Variants in AFG1L observed in about 807,000 individuals in gnomAD.
AFG1L encodes AFG1 like ATPase, also known as AFG1-like ATPase.
AFG1L carries 53 observed loss-of-function variants against 62.2 expected under a neutral mutation model. The observed-to-expected ratio is 0.85, with a 90% CI of 0.68 to 1.07. The LOEUF (loss-of-function observed/expected upper bound fraction) is 1.07. Among genes scored for constraint, AFG1L ranks in the 50% least tolerant of loss-of-function variants. The probability of loss-of-function intolerance (pLI) is 0.00; values close to 1 mark genes in which losing one functional copy is unlikely to be tolerated. For missense variants in AFG1L, 555 were observed against 590.5 expected (o/e 0.94, Z 0.62); for synonymous variants, 228 against 210.3 (o/e 1.08, Z -0.73).
intron 6 of AFG1L, among the ~76,000 whole-genome samples, chr6:108,367,422 G>A (rs1330896079): frequency 6.6e-6 from 1 of 152,088 alleles, no homozygotes; most frequent in Non-Finnish European, 1.5e-5. Context: ...AAGGGGAGGG[G>A]AGGTGATGGA....
At chr6:108,498,121 G>A (rs1049524350) in intron 10 of AFG1L, among the ~76,000 whole-genome samples, 2 of 152,162 alleles carry the variant, frequency 1.3e-5, no homozygotes, top group African/African-American at 4.8e-5. Context: ...GCTAGCCGAG[G>A]TATTGCAAAA....
chr6:108,333,213 C>T (rs1033698399), intron 2 of AFG1L, among the ~76,000 whole-genome samples: 3 of 151,330 alleles, frequency 2.0e-5, no homozygotes, highest in Non-Finnish European at 4.4e-5. Flanking sequence ...AGTTCGAGAC[C>T]AACCTGGCCA....
At chr6:108,398,780 G>C (rs946507563) in intron 6 of AFG1L, among the ~76,000 whole-genome samples, 1 of 152,010 alleles carries the variant, frequency 6.6e-6, no homozygotes, top group Non-Finnish European at 1.5e-5. Flanking sequence ...TTTGTTTCTG[G>C]GTTCTCTATT....
chr6:108,468,346 A>G (rs1772752069), intron 8 of AFG1L, among the ~76,000 whole-genome samples: 1 of 152,250 alleles, frequency 6.6e-6, no homozygotes, highest in African/African-American at 2.4e-5. Context: ...CGGTTATCAC[A>G]CAATAATATT....
intron 6 of AFG1L, among the ~76,000 whole-genome samples, chr6:108,370,604 C>T (rs747231868): frequency 2.2e-4 from 33 of 151,948 alleles, no homozygotes; most frequent in Non-Finnish European, 3.8e-4. Context: ...AAGGTGATGG[C>T]AATGGATATG....
At chr6:108,395,294 A>T (rs1781240273) in intron 6 of AFG1L, among the ~76,000 whole-genome samples, 1 of 152,118 alleles carries the variant, frequency 6.6e-6, no homozygotes, top group African/African-American at 2.4e-5. Flanking sequence ...CTAAACAAGG[A>T]AATATGGAAA....
chr6:108,313,851 C>G (rs1174093046), intron 1 of AFG1L, among the ~76,000 whole-genome samples: 1 of 152,138 alleles, frequency 6.6e-6, no homozygotes, highest in East Asian at 1.9e-4. Context: ...ATAGATATCT[C>G]TTAACTCAAC....
chr6:108,451,620 A>G lies in AFG1L; in HGVS notation c.890+4324A>G, dbSNP rs946063358. The stretch of plus-strand genomic sequence containing the variant: ...TGATTGCAAATATCCAAACTTTTGC[A>G]TAGATTAAAACACCCCATGCTTGTC... On this transcript the variant is annotated intron_variant, in intron 8 of 12. Transcript: ENST00000368977. Among the ~76,000 whole-genome samples, 3 of 152,342 alleles carry G rather than the reference A, an allele frequency of 2.0e-5. No individual in the cohort carries two copies. The South Asian group carries it at 6.2e-4, about 32-fold the overall frequency.
chr6:108,416,454 G>A (rs1477229750), intron 7 of AFG1L, among the ~76,000 whole-genome samples: 1 of 152,186 alleles, frequency 6.6e-6, no homozygotes, highest in African/African-American at 2.4e-5. Flanking sequence ...AAATCATGCT[G>A]CTATAAAGAC....
intron 7 of AFG1L, among the ~76,000 whole-genome samples, chr6:108,422,982 G>A (rs548268593): frequency 3.9e-5 from 6 of 152,148 alleles, no homozygotes; most frequent in Non-Finnish European, 7.4e-5. Flanking sequence ...TTTGAACTCT[G>A]AAAGGCAACA....
chr6:108,382,923 C>G lies in AFG1L; in HGVS notation c.748+16591C>G, dbSNP rs140110799. Among the ~76,000 whole-genome samples, 9 of 152,266 alleles carry G rather than the reference C, an allele frequency of 5.9e-5. No individual in the cohort carries two copies. The East Asian group carries it at 1.7e-3, about 29-fold the overall frequency. ...AATATGAGAACAACAAAAGATACTG[C>G]AGCAATAAATCTAATTCTTAAAAGG... is the stretch of plus-strand genomic sequence containing the variant. On this transcript the variant is annotated intron_variant, in intron 6 of 12. Transcript: ENST00000368977.
chr6:108,485,086 C>T (rs920903173), intron 10 of AFG1L, among the ~76,000 whole-genome samples: 2 of 152,138 alleles, frequency 1.3e-5, no homozygotes. Flanking sequence ...GAACACCTTC[C>T]TCCTTTCTTC....
intron 6 of AFG1L, among the ~76,000 whole-genome samples, chr6:108,389,277 A>C (rs1307028654): frequency 6.6e-6 from 1 of 152,060 alleles, no homozygotes; most frequent in Non-Finnish European, 1.5e-5. Flanking sequence ...GTGTCTCTGC[A>C]CGTGGGATGG....
At chr6:108,425,805 A>G (rs950580889) in intron 7 of AFG1L, among the ~76,000 whole-genome samples, 1 of 152,080 alleles carries the variant, frequency 6.6e-6, no homozygotes, top group African/African-American at 2.4e-5. Flanking sequence ...AATCTATCTT[A>G]TTAATCTAGC....
chr6:108,433,498 G>A (rs564593060), intron 7 of AFG1L, among the ~76,000 whole-genome samples: 14 of 152,040 alleles, frequency 9.2e-5, no homozygotes, highest in Admixed American at 2.0e-4. Flanking sequence ...TGTTGGCCAG[G>A]CTGGTCTCGA....
chr6:108,520,473 T>C (rs1481049149), intron 12 of AFG1L: 1 of 152,180 alleles, frequency 6.6e-6, no homozygotes, highest in African/African-American at 2.4e-5. Context: ...TCTTCTTCTA[T>C]AAGAACGTTA....
intron 7 of AFG1L, among the ~76,000 whole-genome samples, chr6:108,406,572 G>A (rs1234899197): frequency 6.6e-6 from 1 of 151,928 alleles, no homozygotes; most frequent in East Asian, 1.9e-4. Context: ...CGAGTAGCTG[G>A]GATTACAGGC....
intron 5 of AFG1L, among the ~76,000 whole-genome samples, chr6:108,357,653 T>C (rs1246484729): frequency 6.6e-6 from 1 of 152,238 alleles, no homozygotes; most frequent in Non-Finnish European, 1.5e-5. Flanking sequence ...CATTTAAGCC[T>C]CACAACATAT....
intron 10 of AFG1L, among the ~76,000 whole-genome samples, chr6:108,496,786 G>T (rs761875595): frequency 6.6e-6 from 1 of 152,144 alleles, no homozygotes; most frequent in Non-Finnish European, 1.5e-5. Flanking sequence ...CAACCATTTA[G>T]AAATAACAAG....
Sources: allele counts gnomAD v4.1 joint callset (sites outside exome capture counted in the v4.1 genomes callset), GRCh38; gene constraint gnomAD v4.1.1; transcripts MANE v1.5; gene names NCBI Gene and HGNC (gene_info 2026-07-23, HGNC 2026-07-21).